The following PARK7 variants were observed in gnomAD, a reference collection of about 807,000 sequenced individuals.
PARK7 encodes the protein Parkinson disease protein 7.
A neutral mutation model predicts 20.5 loss-of-function variants in PARK7; 14 were observed. The observed-to-expected ratio is 0.68, with a 90% CI of 0.45 to 1.07. The LOEUF (loss-of-function observed/expected upper bound fraction) is 1.07. PARK7 is among the 50% of genes least tolerant of loss of function. PARK7 has a pLI of 0.00. For missense variants in PARK7, 234 were observed against 238.1 expected, an observed-to-expected ratio of 0.98 and a Z score of 0.11; for synonymous variants, 98 against 84.3, an observed-to-expected ratio of 1.16 and a Z score of -0.89.
At chr1:7,981,957 C>T (rs372184087) in intron 6 of PARK7, among the ~76,000 whole-genome samples, 13 of 148,922 alleles carry the variant, frequency 8.7e-5, no homozygotes, top group South Asian at 2.1e-4. Flanking sequence ...TATGCCCAGC[C>T]CCCCCGCCTT....
intron 2 of PARK7, among the ~76,000 whole-genome samples, chr1:7,963,222 C>T (rs1395115176): frequency 6.6e-6 from 1 of 152,068 alleles, no homozygotes; most frequent in African/African-American, 2.4e-5. Context: ...TGCCACCACA[C>T]CTGGCTAATT....
intron 5 of PARK7, among the ~76,000 whole-genome samples, chr1:7,973,745 A>T (rs2151434057): frequency 6.6e-6 from 1 of 151,260 alleles, no homozygotes; most frequent in South Asian, 2.1e-4. Context: ...TAATAAAAAT[A>T]AAAATAACAA....
intron 4 of PARK7, 48 bp downstream of exon 4, chr1:7,969,452 A>C: frequency 8.1e-7 from 1 of 1,242,166 alleles, no homozygotes. Flanking sequence ...GGGGGGGGGA[A>C]AAACTAAAGA....
At chr1:7,970,216 C>T (rs1181823903) in intron 4 of PARK7, among the ~76,000 whole-genome samples, 9 of 152,046 alleles carry the variant, frequency 5.9e-5, no homozygotes, top group Non-Finnish European at 8.8e-5. Context: ...AAAATGTTGC[C>T]ATGGAAGTAA....
chr1:7,968,043 T>G (rs1018749415), intron 3 of PARK7, among the ~76,000 whole-genome samples: 25 of 152,048 alleles, frequency 1.6e-4, no homozygotes, highest in African/African-American at 5.8e-4. Context: ...GCCACAGTGG[T>G]TCACGCCTGT....
At chr1:7,972,811 G>A (rs1227928978) in intron 5 of PARK7, among the ~76,000 whole-genome samples, 1 of 152,150 alleles carries the variant, frequency 6.6e-6, no homozygotes, top group Non-Finnish European at 1.5e-5. Flanking sequence ...GGCTGAGGTG[G>A]GAGGATCACT....
At chr1:7,972,122 C>T (rs1242875448) in intron 5 of PARK7, among the ~76,000 whole-genome samples, 1 of 152,010 alleles carries the variant, frequency 6.6e-6, no homozygotes, top group Non-Finnish European at 1.5e-5. Flanking sequence ...ATTCGAGTAT[C>T]AGTGGTTCTC....
chr1:7,977,985 CTTTTTTTTTTTTTTTT>C (rs34231723), intron 6 of PARK7, among the ~76,000 whole-genome samples: 1 of 53,538 alleles, frequency 1.9e-5, no homozygotes, highest in Non-Finnish European at 3.4e-5. Context: ...GTCTCAAACT[CTTTTTTTTTTTTTTTT>C]TTTTTTTTTT....
intron 6 of PARK7, among the ~76,000 whole-genome samples, chr1:7,978,633 C>CA (rs111292841): frequency 0.66 from 100,068 of 151,456 alleles, 34,253 homozygotes; most frequent in African/African-American, 0.85. Context: ...CGCTTGAGCC[C>CA]CGAGTTCGAG....
chr1:7,978,095 C>G lies in PARK7; in HGVS notation c.409+357C>G, dbSNP rs186716042. On this transcript the variant is annotated intron_variant, in intron 6 of 6. Transcript: ENST00000338639. ...CACTGCAACTTCCGCCTCCCGGGTTCAAGTGATTCTTCTGCCTCAGCCTCC... is the reference window on the plus strand; with the variant it reads ...CACTGCAACTTCCGCCTCCCGGGTTGAAGTGATTCTTCTGCCTCAGCCTCC... Among the ~76,000 whole-genome samples the G allele has an allele frequency of 6.2e-3, 883 of 141,646 alleles. 8 individuals carry two copies. Among genetic ancestry groups the G allele is most frequent in the Middle Eastern group, 0.033 (8 of 240 alleles). 92.9% of individuals were successfully genotyped at this position (141,646 alleles called of 152,430 possible). A position where few individuals can be genotyped will look rare whatever the true frequency, so the allele number is the denominator to read the frequency against.
intron 6 of PARK7, among the ~76,000 whole-genome samples, chr1:7,980,033 C>T (rs1289725006): frequency 6.6e-6 from 1 of 151,818 alleles, no homozygotes; most frequent in Non-Finnish European, 1.5e-5. Context: ...TGGTGGCGGG[C>T]ACCTGTAGTC....
At chr1:7,976,123 T>C (rs879784299) in intron 5 of PARK7, among the ~76,000 whole-genome samples, 15 of 152,172 alleles carry the variant, frequency 9.9e-5, no homozygotes, top group African/African-American at 3.1e-4. Context: ...AATTCCTTCC[T>C]TGGAGTCTTG....
intron 6 of PARK7, among the ~76,000 whole-genome samples, chr1:7,980,933 C>G (rs1021402228): frequency 6.6e-6 from 1 of 152,044 alleles, no homozygotes; most frequent in Admixed American, 6.6e-5. Context: ...TACTTAAACT[C>G]CTGGGCTCAA....
chr1:7,984,801 T>C lies in PARK7; in HGVS notation c.410-93T>C. On this transcript the variant is annotated intron_variant, in intron 6 of 6. Coordinates refer to ENST00000338639, the MANE Select transcript of PARK7 (RefSeq NM_007262.5). The surrounding 1 kb of genome is among the most constrained non-coding windows in gnomAD (Gnocchi z 4.3). ...GAATGGTTAGCTACAGTGTTGGGTT[T>C]ATATGCTGTAATAGTGAATTTAATT... 6.8e-7 allele frequency: 1 copy of C among 1,468,458 alleles called. No individual in the cohort carries two copies. Among genetic ancestry groups the C allele is most frequent in the Non-Finnish European group, 9.5e-7 (1 of 1,054,162 alleles). 91.0% of individuals were successfully genotyped at this position (1,468,458 alleles called of 1,614,324 possible). A position where few individuals can be genotyped will look rare whatever the true frequency, so the allele number is the denominator to read the frequency against.
In PARK7 at chr1:7,962,843, G is replaced by A; in HGVS notation, c.58G>A (p.Val20Ile). The A allele has an allele frequency of 6.2e-7, 1 of 1,613,424 alleles. No individual in the cohort carries two copies. The highest frequency in any genetic ancestry group is 8.5e-7 in the Non-Finnish European group (1 of 1,179,916). The change falls in exon 2 of 7, where the codon GTC becomes ATC. Residue 20 changes from valine (V) to isoleucine (I), a missense_variant. Coordinates refer to ENST00000338639, the MANE Select transcript of PARK7 (RefSeq NM_007262.5). ...LAKGAEEMET[V>I]IPVDVMRRAG... ...TAAAGGAGCAGAGGAAATGGAGACG[G>A]TCATCCCTGTAGATGTCATGAGGCG...
Position 7,977,985 on chromosome 1 carries a change from C to CTTTTTTTTT in PARK7, c.409+268_409+276dup, listed in dbSNP as rs34231723. On this transcript the variant is annotated intron_variant, in intron 6 of 6. Transcript: ENST00000338639. ...ATGTTGGTCAGGCTGGTCTCAAACT[C>CTTTTTTTTT]TTTTTTTTTTTTTTTTTTTTTTTTT... 7.5e-5 allele frequency among the ~76,000 whole-genome samples: 4 copies of CTTTTTTTTT among 53,578 alleles called. 1 individual carries two copies. The highest frequency in any genetic ancestry group is 1.7e-3 in the East Asian group (2 of 1,152). The allele number at this position is 53,578 out of a possible 152,430, so 35.1% of individuals were successfully genotyped here.
intron 6 of PARK7, among the ~76,000 whole-genome samples, chr1:7,983,314 C>T (rs1470048339): frequency 6.6e-6 from 1 of 152,248 alleles, no homozygotes; most frequent in Non-Finnish European, 1.5e-5. Flanking sequence ...CAGGAGTTCA[C>T]AGAGGAGCTT....
At chr1:7,976,389 A>C (rs1168282686) in intron 5 of PARK7, among the ~76,000 whole-genome samples, 2 of 152,208 alleles carry the variant, frequency 1.3e-5, no homozygotes, top group African/African-American at 4.8e-5. Context: ...AAGGTATATA[A>C]AATCTTTGTT....
intron 5 of PARK7, among the ~76,000 whole-genome samples, chr1:7,976,429 G>GC (rs2151435846): frequency 6.6e-6 from 1 of 152,224 alleles, no homozygotes; most frequent in African/African-American, 2.4e-5. Context: ...CATTACATAC[G>GC]CAATATGCTT....
Sources: gnomAD v4.1 joint callset for allele counts (sites outside exome capture counted in the v4.1 genomes callset) on GRCh38, gnomAD v4.1.1 for gene constraint, Gnocchi (gnomAD v3.1) non-coding constraint, MANE v1.5 for transcripts, NCBI Gene and HGNC (gene_info 2026-07-23, HGNC 2026-07-21) for gene names.